Variants in MYRFL observed in about 807,000 individuals in gnomAD.
The protein encoded by MYRFL is myelin regulatory factor-like protein.
In MYRFL, 88 loss-of-function variants were observed where a neutral mutation model predicts 109.4. The observed-to-expected ratio is 0.80, with a 90% confidence interval of 0.68 to 0.96. The LOEUF is 0.96. Ranked by LOEUF, MYRFL falls within the 40% of genes least tolerant of loss-of-function variation. The pLI, the probability that MYRFL is intolerant of heterozygous loss-of-function variation, is 0.00. For synonymous variants in MYRFL, 324 were observed against 320.9 expected, an observed-to-expected ratio of 1.01 and a Z score of -0.10; for missense variants, 957 against 954.9, an observed-to-expected ratio of 1.00 and a Z score of -0.03.
rs1296477884 is a variant in MYRFL, at chr12:69,893,798, A to G, written c.938A>G (p.Gln313Arg). 34 of 1,409,140 alleles carry G rather than the reference A, an allele frequency of 2.4e-5. No homozygotes were observed. The highest frequency in any genetic ancestry group is 8.5e-5 in the East Asian group (3 of 35,120). The allele number at this position is 1,409,140 out of a possible 1,614,324, so 87.3% of individuals were successfully genotyped here. A position where few individuals can be genotyped will look rare whatever the true frequency, so the allele number is the denominator to read the frequency against. ...ACCAATCAAATAATTGCTATTGAACAGTCCCAAGCAGATAGGAGCAAAAAG... is the reference window on the plus strand; with the variant it reads ...ACCAATCAAATAATTGCTATTGAACGGTCCCAAGCAGATAGGAGCAAAAAG... ...EATNQIIAIE[Q>R]SQADRSKKIF... The change falls in exon 8 of 25, where the codon CAG becomes CGG. Residue 313 changes from glutamine to arginine, a missense_variant. Physicochemically the swap from Gln to Arg is conservative, Grantham distance 43. Coordinates refer to ENST00000552032, the MANE Select transcript of MYRFL (RefSeq NM_182530.3).
At chr12:69,855,937 C>T (rs931065926) in intron 2 of MYRFL, among the ~76,000 whole-genome samples, 2 of 151,780 alleles carry the variant, frequency 1.3e-5, no homozygotes, top group African/African-American at 4.8e-5. Flanking sequence ...GGCACTCTGG[C>T]CTTTTTTATT....
rs781097459 is a variant in MYRFL at position 69,891,085 on chromosome 12, T to G, written c.822T>G (p.Val274=). The change falls in exon 7 of 25, where the codon GTT becomes GTG. Residue 274 remains valine, a synonymous_variant. Transcript: ENST00000552032. ...NHFQITIHIQ[V]WGSPKFVETE... ...TCCAGATAACCATTCACATCCAAGT[T>G]TGGGGAAGTCCAAAATTTGTTGAAA... The G allele has an allele frequency of 1.2e-5, 19 of 1,534,974 alleles. No homozygotes were observed. In the South Asian group the frequency reaches 2.1e-4, roughly 17 times the overall value.
At chr12:69,860,450 T>C (rs1884577754) in intron 2 of MYRFL, among the ~76,000 whole-genome samples, 1 of 152,212 alleles carries the variant, frequency 6.6e-6, no homozygotes, top group Non-Finnish European at 1.5e-5. Context: ...ATCCTTTAAT[T>C]GTAACCTATA....
At chr12:69,866,789 A>G (rs1046221385) in intron 2 of MYRFL, among the ~76,000 whole-genome samples, 3 of 152,246 alleles carry the variant, frequency 2.0e-5, no homozygotes, top group African/African-American at 7.2e-5. Context: ...AAAAAGGACC[A>G]AATGCTCTAT....
At position 69,879,519 on chromosome 12, in the gene MYRFL, C is replaced by T. The variant is rs971458489; in HGVS notation, c.464+66C>T. 19 of 648,682 alleles carry T rather than the reference C, an allele frequency of 2.9e-5. No homozygotes were observed. The East Asian group carries it at 4.9e-4, about 17-fold the overall frequency. The allele number at this position is 648,682 out of a possible 1,614,324, so 40.2% of individuals were successfully genotyped here. A position where few individuals can be genotyped will look rare whatever the true frequency, so the allele number is the denominator to read the frequency against. On this transcript the variant is annotated intron_variant, in intron 4 of 24. Coordinates refer to ENST00000552032, the MANE Select transcript of MYRFL (RefSeq NM_182530.3). ...AAGCCTCGGAGCAGCCTGCCTCTGG[C>T]AGGCACCTAGAGAGAATGCACAGTG...
intron 11 of MYRFL, among the ~76,000 whole-genome samples, chr12:69,906,416 AG>A (rs1315619557): frequency 2.0e-5 from 3 of 152,144 alleles, no homozygotes. Context: ...GAGCAAAACT[AG>A]GGGGGAAGGA....
At chr12:69,864,472 C>A (rs112485042) in intron 2 of MYRFL, among the ~76,000 whole-genome samples, 1 of 152,100 alleles carries the variant, frequency 6.6e-6, no homozygotes, top group Non-Finnish European at 1.5e-5. Flanking sequence ...AATACCCCTA[C>A]CCTCCTAAGA....
intron 12 of MYRFL, among the ~76,000 whole-genome samples, chr12:69,910,290 G>A (rs1203605828): frequency 6.6e-6 from 1 of 152,126 alleles, no homozygotes; most frequent in Non-Finnish European, 1.5e-5. Flanking sequence ...CAAGGTACTG[G>A]TGGTGTAGGT....
At chr12:69,883,779 G>A (rs115541568) in intron 5 of MYRFL, among the ~76,000 whole-genome samples, 128 of 152,184 alleles carry the variant, frequency 8.4e-4, no homozygotes, top group African/African-American at 2.9e-3. Flanking sequence ...AGGAGGCTGA[G>A]GTGGGAGGAA....
intron 10 of MYRFL, among the ~76,000 whole-genome samples, chr12:69,900,959 T>C (rs774192380): frequency 2.6e-5 from 4 of 152,186 alleles, no homozygotes; most frequent in Non-Finnish European, 5.9e-5. Context: ...ACTTTGAGAC[T>C]TTTCATCCTC....
rs1221851041 is a variant in MYRFL, at chr12:69,957,857, T to C, written c.2486T>C (p.Phe829Ser). Reference sequence around the variant, plus strand: ...CCATTGATAGTCTTCCAGTGCAAATTCACCCTTGGAAATATATGTTTCCAT... The same window carrying C: ...CCATTGATAGTCTTCCAGTGCAAATCCACCCTTGGAAATATATGTTTCCAT... ...TEPLIVFQCKFTLGNICFHSK... is the reference protein window; with the variant it reads ...TEPLIVFQCKSTLGNICFHSK... The change falls in exon 23 of 25, where the codon TTC becomes TCC. Residue 829 changes from phenylalanine to serine, a missense_variant. Phe to Ser is a radical substitution (Grantham distance 155). Transcript: ENST00000552032. 7 of 1,534,494 alleles carry C rather than the reference T, an allele frequency of 4.6e-6. No homozygotes were observed. The highest frequency in any genetic ancestry group is 6.1e-6 in the Non-Finnish European group (7 of 1,145,706).
At chr12:69,939,637 T>A (rs1234229950) in intron 19 of MYRFL, among the ~76,000 whole-genome samples, 3 of 152,018 alleles carry the variant, frequency 2.0e-5, no homozygotes, top group Admixed American at 2.0e-4. Flanking sequence ...TCAGAGCGCC[T>A]CTCCTCCTCC....
At chr12:69,899,789 C>CA (rs910606466) in intron 10 of MYRFL, among the ~76,000 whole-genome samples, 10 of 152,120 alleles carry the variant, frequency 6.6e-5, no homozygotes, top group Admixed American at 3.9e-4. Flanking sequence ...AGTAATTATT[C>CA]ATCTGGGTTG....
At chr12:69,885,205 GA>G (rs34710088) in intron 5 of MYRFL, among the ~76,000 whole-genome samples, 1 of 151,986 alleles carries the variant, frequency 6.6e-6, no homozygotes, top group African/African-American at 2.4e-5. Context: ...TTGTAGCTGG[GA>G]AAAAAAGTTT....
chr12:69,879,435 C>T lies in MYRFL; in HGVS notation c.446C>T (p.Pro149Leu). The T allele has an allele frequency of 1.4e-6, 1 of 702,664 alleles. No homozygotes were observed. The highest frequency in any genetic ancestry group is 2.6e-6 in the Non-Finnish European group (1 of 384,682). The allele number at this position is 702,664 out of a possible 1,614,324, so 43.5% of individuals were successfully genotyped here. A position where few individuals can be genotyped will look rare whatever the true frequency, so the allele number is the denominator to read the frequency against. Residue 149 changes from proline (P) to leucine (L), a missense_variant, in exon 4 of 25, where the codon CCT (proline) becomes CTT (leucine). Coordinates refer to ENST00000552032, the MANE Select transcript of MYRFL (RefSeq NM_182530.3). ...LGIGCSYPQQ[P>L]LCHSPGASLP... ...ATAGGTTGTTCTTACCCTCAGCAGC[C>T]TCTGTGTCACAGCCCTGGGTAAAGA...
Position 69,891,063 on chromosome 12 carries a change from A to G in MYRFL, c.800A>G (p.Gln267Arg), listed in dbSNP as rs187571469. The G allele has an allele frequency of 1.2e-5, 19 of 1,535,380 alleles. No individual in the cohort carries two copies. In the Admixed American group the frequency reaches 2.9e-4, roughly 24 times the overall value. Residue 267 changes from glutamine to arginine, a missense_variant, in exon 7 of 25, where the codon CAG becomes CGG. Gln to Arg is a conservative substitution (Grantham distance 43, BLOSUM62 1). Coordinates refer to ENST00000552032, the MANE Select transcript of MYRFL (RefSeq NM_182530.3). ...AFVCQKKNHF[Q>R]ITIHIQVWGS... ...GTTTGCCAAAAGAAGAATCATTTCC[A>G]GATAACCATTCACATCCAAGTTTGG...
At chr12:69,848,646 T>C (rs1883700532) in intron 1 of MYRFL, among the ~76,000 whole-genome samples, 1 of 152,192 alleles carries the variant, frequency 6.6e-6, no homozygotes, top group African/African-American at 2.4e-5. Flanking sequence ...TTGGTATTCT[T>C]TGATTTTATA....
chr12:69,878,493 A>G (rs1223391687), intron 2 of MYRFL, among the ~76,000 whole-genome samples: 1 of 152,104 alleles, frequency 6.6e-6, no homozygotes, highest in Non-Finnish European at 1.5e-5. Flanking sequence ...AAAAAATTTT[A>G]TTGATACATA....
chr12:69,863,085 T>A (rs1225834445), intron 2 of MYRFL, among the ~76,000 whole-genome samples: 1 of 151,996 alleles, frequency 6.6e-6, no homozygotes, highest in Non-Finnish European at 1.5e-5. Flanking sequence ...CAGCCTTGCA[T>A]CCCAGGGATG....
Sources: allele counts gnomAD v4.1 joint callset (sites outside exome capture counted in the v4.1 genomes callset), GRCh38; gene constraint gnomAD v4.1.1; transcripts MANE v1.5; gene names NCBI Gene and HGNC (gene_info 2026-07-23, HGNC 2026-07-21).